Variants in SPAG16 observed in about 807,000 individuals in gnomAD.
SPAG16 encodes the protein sperm associated antigen 16, also known as sperm-associated antigen 16 protein.
A neutral mutation model predicts 80.4 loss-of-function variants in SPAG16; 86 were observed. The observed-to-expected ratio is 1.07, with a 90% CI of 0.90 to 1.28. The LOEUF (loss-of-function observed/expected upper bound fraction) is 1.28. Ranked by LOEUF, SPAG16 falls within the 50% of genes most tolerant of loss-of-function variation. The pLI, the probability that SPAG16 is intolerant of heterozygous loss-of-function variation, is 0.00. For missense variants in SPAG16, 870 were observed against 765.3 expected (o/e 1.14, Z -1.61); for synonymous variants, 294 against 265.9 (o/e 1.11, Z -1.03).
At chr2:213,760,962 T>A (rs1015177859) in intron 10 of SPAG16, among the ~76,000 whole-genome samples, 2 of 152,158 alleles carry the variant, frequency 1.3e-5, no homozygotes, top group African/African-American at 4.8e-5. Context: ...TTAGTCCTTA[T>A]GGCAGGATTT....
At chr2:213,302,647 G>GTGTATGTGTGTA (rs1553620022) in intron 3 of SPAG16, 1 of 148,426 alleles carries the variant, frequency 6.7e-6, no homozygotes, top group African/African-American at 2.5e-5. Flanking sequence ...GTGTGTGTGT[G>GTGTATGTGTGTA]TGTGTGTGTG....
chr2:213,971,807 C>T (rs1381579820), intron 12 of SPAG16, among the ~76,000 whole-genome samples: 2 of 151,792 alleles, frequency 1.3e-5, no homozygotes, highest in Non-Finnish European at 2.9e-5. Flanking sequence ...TATATTCCTG[C>T]CAGCAATAAA....
At chr2:213,870,070 A>G (rs2075888285) in intron 11 of SPAG16, among the ~76,000 whole-genome samples, 1 of 152,170 alleles carries the variant, frequency 6.6e-6, no homozygotes. Context: ...GAAATACTAC[A>G]TCCTCTGTGT....
At chr2:214,382,255 G>A (rs1378734023) in intron 15 of SPAG16, among the ~76,000 whole-genome samples, 1 of 152,184 alleles carries the variant, frequency 6.6e-6, no homozygotes, top group Non-Finnish European at 1.5e-5. Context: ...GTTTGACTAA[G>A]AACTAAATTC....
chr2:214,057,566 T>A (rs977981054), intron 13 of SPAG16, among the ~76,000 whole-genome samples: 1 of 152,128 alleles, frequency 6.6e-6, no homozygotes, highest in African/African-American at 2.4e-5. Context: ...GGCCCTAGGA[T>A]TTTTTGAATG....
chr2:214,326,877 A>G (rs62196843), intron 15 of SPAG16, among the ~76,000 whole-genome samples: 9,622 of 146,190 alleles, frequency 0.066, 1,003 homozygotes, highest in African/African-American at 0.23. Context: ...CCCAGGAGGC[A>G]GAGCTTGCAG....
At chr2:214,173,753 C>A (rs2056968166) in intron 15 of SPAG16, among the ~76,000 whole-genome samples, 1 of 151,814 alleles carries the variant, frequency 6.6e-6, no homozygotes, top group African/African-American at 2.4e-5. Flanking sequence ...GATACCAAAG[C>A]CAGGCAGAGA....
chr2:213,945,121 C>T (rs1336467129), intron 12 of SPAG16, among the ~76,000 whole-genome samples: 1 of 151,346 alleles, frequency 6.6e-6, no homozygotes, highest in East Asian at 1.9e-4. Context: ...GTGTATTAGT[C>T]AGGGTACCTT....
chr2:213,717,456 G>A (rs2125380778), intron 10 of SPAG16, among the ~76,000 whole-genome samples: 1 of 152,140 alleles, frequency 6.6e-6, no homozygotes, highest in East Asian at 1.9e-4. Flanking sequence ...CACTGCGCCC[G>A]GCAAAAGTAG....
intron 15 of SPAG16, among the ~76,000 whole-genome samples, chr2:214,291,558 G>T (rs942333242): frequency 6.6e-6 from 1 of 151,868 alleles, no homozygotes; most frequent in Non-Finnish European, 1.5e-5. Flanking sequence ...GCCCGCCTCG[G>T]CCTCCCAAAG....
chr2:214,180,051 T>C (rs1172146267), intron 15 of SPAG16, among the ~76,000 whole-genome samples: 1 of 151,554 alleles, frequency 6.6e-6, no homozygotes, highest in Non-Finnish European at 1.5e-5. Context: ...AGATAAATAA[T>C]ATTCTGCATC....
At chr2:214,201,936 C>T (rs2058020597) in intron 15 of SPAG16, among the ~76,000 whole-genome samples, 1 of 152,084 alleles carries the variant, frequency 6.6e-6, no homozygotes, top group Non-Finnish European at 1.5e-5. Context: ...GCCTCAACTT[C>T]CCAGGCTCAA....
intron 10 of SPAG16, among the ~76,000 whole-genome samples, chr2:213,546,106 G>A (rs984680237): frequency 2.0e-5 from 3 of 152,086 alleles, no homozygotes; most frequent in African/African-American, 7.2e-5. Context: ...GAATGAGGAT[G>A]TGAGACCAAG....
At chr2:213,980,566 TATAG>T (rs1247232192) in intron 12 of SPAG16, among the ~76,000 whole-genome samples, 72 of 142,404 alleles carry the variant, frequency 5.1e-4, no homozygotes, top group African/African-American at 1.7e-3. Flanking sequence ...TATGTGTATA[TATAG>T]AGAGTATATG....
intron 10 of SPAG16, among the ~76,000 whole-genome samples, chr2:213,666,307 C>T (rs957717959): frequency 6.6e-6 from 1 of 152,026 alleles, no homozygotes; most frequent in African/African-American, 2.4e-5. Context: ...GTCAATCATA[C>T]AAAATTTAGA....
chr2:213,412,702 A>G (rs983549455), intron 9 of SPAG16, among the ~76,000 whole-genome samples: 1 of 152,108 alleles, frequency 6.6e-6, no homozygotes, highest in Non-Finnish European at 1.5e-5. Context: ...GAGAAGCGCT[A>G]AAGGCTTAGT....
At chr2:213,620,649 G>A (rs1006559849) in intron 10 of SPAG16, among the ~76,000 whole-genome samples, 2 of 151,934 alleles carry the variant, frequency 1.3e-5, no homozygotes, top group African/African-American at 4.8e-5. Flanking sequence ...CAACATAAAG[G>A]TTTGATAAAT....
In SPAG16 at chr2:213,514,174, C is replaced by T. The variant is rs573996921; in HGVS notation, c.1070+24084C>T. Among the ~76,000 whole-genome samples the T allele has an allele frequency of 7.2e-4, 109 of 152,006 alleles. 3 individuals carry two copies. The South Asian group carries it at 0.022, about 30-fold the overall frequency. On this transcript the variant is annotated intron_variant, in intron 10 of 15. Coordinates refer to ENST00000331683, the MANE Select transcript of SPAG16 (RefSeq NM_024532.5). ...GAAATTAGATGGTCCTTGGAAGCTC[C>T]GTATAAATAGTCCCAAAGAAGTCAT... is the stretch of plus-strand genomic sequence containing the variant.
intron 9 of SPAG16, among the ~76,000 whole-genome samples, chr2:213,392,840 T>C (rs549108754): frequency 6.6e-6 from 1 of 151,726 alleles, no homozygotes; most frequent in Non-Finnish European, 1.5e-5. Flanking sequence ...AGCGAGACTC[T>C]GTCTCTTAAA....
Sources: gnomAD v4.1 joint callset for allele counts (sites outside exome capture counted in the v4.1 genomes callset) on GRCh38, gnomAD v4.1.1 for gene constraint, MANE v1.5 for transcripts, NCBI Gene and HGNC (gene_info 2026-07-23, HGNC 2026-07-21) for gene names.